IL1RAPL2: variants seen among roughly 807,000 people sequenced by gnomAD.
IL1RAPL2 encodes the protein interleukin 1 receptor accessory protein like 2.
IL1RAPL2 carries 3 observed loss-of-function variants against 44.1 expected under a neutral mutation model. That is an observed-to-expected ratio of 0.07 (90% confidence interval 0.03 to 0.18). The LOEUF is 0.18. Among genes scored for constraint, IL1RAPL2 ranks in the 10% least tolerant of loss-of-function variants. The probability of loss-of-function intolerance (pLI) is 1.00; values close to 1 mark genes in which losing one functional copy is unlikely to be tolerated. For missense variants in IL1RAPL2, 391 were observed against 496.4 expected (o/e 0.79, Z 2.02); for synonymous variants, 181 against 178.8 (o/e 1.01, Z -0.10).
chrX:104,669,745 TTA>T (rs1930557159), intron 2 of IL1RAPL2, among the ~76,000 whole-genome samples: 1 of 112,024 alleles, frequency 8.9e-6, no homozygotes, highest in African/African-American at 3.2e-5. Context: ...AATCCAGTCT[TTA>T]TGTCTCCTCT....
intron 3 of IL1RAPL2, among the ~76,000 whole-genome samples, chrX:105,210,281 T>C (rs928266844): frequency 1.8e-5 from 2 of 111,712 alleles, no homozygotes; most frequent in African/African-American, 3.3e-5. Context: ...TCTGTGAACA[T>C]TTAATTACTT....
At chrX:105,166,515 A>G (rs113645536) in intron 2 of IL1RAPL2, among the ~76,000 whole-genome samples, 2 of 112,206 alleles carry the variant, frequency 1.8e-5, no homozygotes, top group African/African-American at 6.5e-5. Flanking sequence ...GGAGGAAAGT[A>G]TGCAGGCTTG....
chrX:104,676,595 G>A (rs1363934208), intron 2 of IL1RAPL2, among the ~76,000 whole-genome samples: 1 of 111,005 alleles, frequency 9.0e-6, no homozygotes, highest in African/African-American at 3.3e-5. Context: ...TTATCTTCTC[G>A]AGGAGTATCT....
intron 2 of IL1RAPL2, among the ~76,000 whole-genome samples, chrX:104,916,000 C>T (rs189133047): frequency 0.023 from 2,537 of 111,653 alleles, 72 homozygotes; most frequent in African/African-American, 0.076. Context: ...AGTCAGGTAG[C>T]GTGATGCCTC....
intron 6 of IL1RAPL2, among the ~76,000 whole-genome samples, chrX:105,487,450 C>A (rs2036278963): frequency 8.9e-6 from 1 of 111,948 alleles, no homozygotes; most frequent in African/African-American, 3.2e-5. Flanking sequence ...AGATGTAAGG[C>A]TGAACTTTTC....
Position 105,334,959 on chromosome X carries a change from A to G in IL1RAPL2, c.697+67418A>G, listed in dbSNP as rs146495136. 8.8e-3 allele frequency among the ~76,000 whole-genome samples: 979 copies of G among 111,513 alleles called. 14 individuals are homozygous for G. Among genetic ancestry groups the G allele is most frequent in the African/African-American group, 0.029 (901 of 30,772 alleles). ...TAGAGGTTTTTTTTTAAAGGAAAGT[A>G]TTGGCATATTTCAGCAAGGTAACTT... On this transcript the variant is annotated intron_variant, in intron 5 of 10. Transcript: ENST00000372582.
intron 2 of IL1RAPL2, among the ~76,000 whole-genome samples, chrX:105,075,522 G>A (rs1265113848): frequency 9.0e-6 from 1 of 111,459 alleles, no homozygotes; most frequent in Non-Finnish European, 1.9e-5. Flanking sequence ...TTGTGTCTCT[G>A]CCAGGCTTTG....
chrX:105,466,370 T>C (rs956677089), intron 5 of IL1RAPL2, among the ~76,000 whole-genome samples: 3 of 111,497 alleles, frequency 2.7e-5, no homozygotes, highest in Admixed American at 9.5e-5. Flanking sequence ...TTAAAACTGC[T>C]CTGTCTTCTG....
chrX:104,959,194 G>C (rs1450178158), intron 2 of IL1RAPL2, among the ~76,000 whole-genome samples: 2 of 111,245 alleles, frequency 1.8e-5, no homozygotes, highest in Non-Finnish European at 1.9e-5. Context: ...TCATGCTAGG[G>C]AAAAAGCCTT....
At chrX:104,964,659 C>T (rs765816054) in intron 2 of IL1RAPL2, among the ~76,000 whole-genome samples, 155 of 110,877 alleles carry the variant, frequency 1.4e-3, no homozygotes, top group Middle Eastern at 4.7e-3. Flanking sequence ...CTCTCTGCCC[C>T]TCTCTCTATC....
At chrX:105,044,605 A>G (rs1000888241) in intron 2 of IL1RAPL2, among the ~76,000 whole-genome samples, 1 of 111,720 alleles carries the variant, frequency 9.0e-6, no homozygotes, top group African/African-American at 3.2e-5. Context: ...GAAAGTTTCA[A>G]AAGTTAGAAA....
chrX:105,350,794 G>A (rs1285052243), intron 5 of IL1RAPL2, among the ~76,000 whole-genome samples: 1 of 112,048 alleles, frequency 8.9e-6, no homozygotes, highest in Non-Finnish European at 1.9e-5. Context: ...TTAAACTAAA[G>A]AACTTCTGCA....
chrX:104,678,673 A>T (rs1033675738), intron 2 of IL1RAPL2, among the ~76,000 whole-genome samples: 1 of 111,604 alleles, frequency 9.0e-6, no homozygotes, highest in Non-Finnish European at 1.9e-5. Context: ...CCTAACTACA[A>T]CTTGGCCAAA....
chrX:105,165,248 A>G (rs2033362680), intron 2 of IL1RAPL2, among the ~76,000 whole-genome samples: 1 of 111,624 alleles, frequency 9.0e-6, no homozygotes, highest in Non-Finnish European at 1.9e-5. Context: ...TCTTCCTTTT[A>G]TTATAAAACA....
chrX:105,516,158 A>C (rs1171810862), intron 6 of IL1RAPL2, among the ~76,000 whole-genome samples: 1 of 112,327 alleles, frequency 8.9e-6, no homozygotes, highest in Non-Finnish European at 1.9e-5. Flanking sequence ...GTCTCTGGAA[A>C]CAGCTGGTTG....
At chrX:104,987,446 A>G (rs1324188632) in intron 2 of IL1RAPL2, among the ~76,000 whole-genome samples, 1 of 104,719 alleles carries the variant, frequency 9.5e-6, no homozygotes, top group African/African-American at 3.5e-5. Flanking sequence ...AAAAAAAAAA[A>G]GACAAGGAAC....
At chrX:105,173,356 G>T (rs1194132909) in intron 2 of IL1RAPL2, among the ~76,000 whole-genome samples, 2 of 112,042 alleles carry the variant, frequency 1.8e-5, no homozygotes, top group Non-Finnish European at 3.8e-5. Flanking sequence ...CAATGCGGAA[G>T]CCAACAGGAA....
chrX:104,658,650 T>C (rs1162310710), intron 1 of IL1RAPL2, among the ~76,000 whole-genome samples: 2 of 112,315 alleles, frequency 1.8e-5, no homozygotes, highest in East Asian at 5.6e-4. Context: ...GAAAGTCTAA[T>C]GGAAGGAGTT....
intron 7 of IL1RAPL2, among the ~76,000 whole-genome samples, chrX:105,724,897 T>C (rs1343500267): frequency 9.0e-6 from 1 of 111,207 alleles, no homozygotes; most frequent in Non-Finnish European, 1.9e-5. Context: ...ACCCGCACAA[T>C]GTCCTTTGGG....
Sources: allele counts gnomAD v4.1 joint callset (sites outside exome capture counted in the v4.1 genomes callset), GRCh38; gene constraint gnomAD v4.1.1; transcripts MANE v1.5; gene names NCBI Gene and HGNC (gene_info 2026-07-23, HGNC 2026-07-21).